The following MARCHF8 variants were observed in gnomAD, a reference collection of about 807,000 sequenced individuals.
The protein encoded by MARCHF8 is membrane associated ring-CH-type finger 8, also known as E3 ubiquitin-protein ligase MARCHF8.
A neutral mutation model predicts 51.6 loss-of-function variants in MARCHF8; 40 were observed. That is an observed-to-expected ratio of 0.77 (90% CI 0.60 to 1.01). The LOEUF is 1.01. Ranked by LOEUF, MARCHF8 falls within the 50% of genes least tolerant of loss-of-function variation. MARCHF8 has a pLI of 0.00. For missense variants in MARCHF8, 685 were observed against 708.6 expected (o/e 0.97, Z 0.38); for synonymous variants, 263 against 280.3 (o/e 0.94, Z 0.62).
chr10:45,465,772 T>C (rs907889832), intron 3 of MARCHF8, among the ~76,000 whole-genome samples: 13 of 152,240 alleles, frequency 8.5e-5, no homozygotes, highest in Non-Finnish European at 1.8e-4. Context: ...TGCCACTCCA[T>C]GAGCACATCT....
At chr10:45,502,924 T>C (rs533592294) in intron 2 of MARCHF8, among the ~76,000 whole-genome samples, 4 of 152,158 alleles carry the variant, frequency 2.6e-5, no homozygotes, top group Non-Finnish European at 5.9e-5. Context: ...ATTTGACGGC[T>C]GAAAGCAAAT....
intron 1 of MARCHF8, among the ~76,000 whole-genome samples, chr10:45,581,704 T>C (rs185274277): frequency 6.6e-5 from 10 of 152,274 alleles, no homozygotes; most frequent in Admixed American, 6.5e-4. Flanking sequence ...ACAAATTTAA[T>C]TTAGCTGTGT....
At chr10:45,473,692 G>A (rs180685839) in intron 3 of MARCHF8, among the ~76,000 whole-genome samples, 31 of 152,194 alleles carry the variant, frequency 2.0e-4, no homozygotes, top group African/African-American at 6.3e-4. Flanking sequence ...GAATAGAGTG[G>A]GTTTAAGCCT....
intron 2 of MARCHF8, among the ~76,000 whole-genome samples, chr10:45,530,990 T>C (rs1378644113): frequency 6.6e-6 from 1 of 151,770 alleles, no homozygotes; most frequent in Admixed American, 6.6e-5. Context: ...ATGTCTGAGA[T>C]GAAAAACACA....
At chr10:45,480,014 T>A (rs1294782721) in intron 3 of MARCHF8, among the ~76,000 whole-genome samples, 1 of 152,164 alleles carries the variant, frequency 6.6e-6, no homozygotes. Flanking sequence ...ATATGGACAA[T>A]GAAATCCAGG....
At chr10:45,547,786 TTTG>T (rs1408787639) in intron 1 of MARCHF8, among the ~76,000 whole-genome samples, 4 of 152,202 alleles carry the variant, frequency 2.6e-5, no homozygotes, top group Non-Finnish European at 5.9e-5. Flanking sequence ...TGACAGGCCT[TTTG>T]TTGTCTTTTT....
chr10:45,588,160 A>G (rs1212022628), intron 1 of MARCHF8, among the ~76,000 whole-genome samples: 11 of 151,478 alleles, frequency 7.3e-5, no homozygotes, highest in Admixed American at 5.3e-4. Flanking sequence ...CATTTTGTCA[A>G]AAGTAAAAAA....
chr10:45,588,528 C>T (rs2044642779), intron 1 of MARCHF8, among the ~76,000 whole-genome samples: 2 of 152,170 alleles, frequency 1.3e-5, no homozygotes, highest in African/African-American at 2.4e-5. Context: ...CTTAAAATTG[C>T]CTGTTTTGGT....
chr10:45,490,017 A>T lies in MARCHF8; in HGVS notation c.103-600T>A, dbSNP rs143872658. ...CTCTCATGCCCCTCCACATTCAGTC[A>T]CATAGTCTTGTATCAAATTCTTCCT... On this transcript the variant is annotated intron_variant, in intron 2 of 7. Coordinates refer to ENST00000453424, the MANE Select transcript of MARCHF8 (RefSeq NM_001282866.2). Among the ~76,000 whole-genome samples the T allele has an allele frequency of 6.6e-3, 1,011 of 152,292 alleles. 11 individuals carry two copies. The highest frequency in any genetic ancestry group is 0.024 in the African/African-American group (981 of 41,540).
intron 3 of MARCHF8, among the ~76,000 whole-genome samples, chr10:45,469,493 T>C (rs1843086244): frequency 1.3e-5 from 2 of 152,218 alleles, no homozygotes; most frequent in South Asian, 4.1e-4. Context: ...AGAATGTATC[T>C]GACATAAAAA....
intron 1 of MARCHF8, among the ~76,000 whole-genome samples, chr10:45,573,209 T>C (rs896650476): frequency 2.0e-5 from 3 of 152,138 alleles, no homozygotes; most frequent in Non-Finnish European, 4.4e-5. Flanking sequence ...TCATTCTAAT[T>C]ATGCATTTTA....
intron 3 of MARCHF8, among the ~76,000 whole-genome samples, chr10:45,466,925 C>T (rs1458621036): frequency 1.3e-5 from 2 of 152,172 alleles, no homozygotes; most frequent in African/African-American, 2.4e-5. Flanking sequence ...AAGCCTGGAT[C>T]AAGGAAGCAG....
chr10:45,461,918 A>G (rs911999771), intron 5 of MARCHF8: 1 of 152,294 alleles, frequency 6.6e-6, no homozygotes, highest in Non-Finnish European at 1.5e-5. Flanking sequence ...CAAAGATGAC[A>G]GTACCTCTCT....
rs1318481601 is a variant in MARCHF8, at chr10:45,463,586, A to C, written c.653T>G (p.Val218Gly). ...TGAGCGACCGGCAGAAAGGCATGAAACACAAGAATGTTTGGAATTGCCAAG... is the reference window on the plus strand; with the variant it reads ...TGAGCGACCGGCAGAAAGGCATGAACCACAAGAATGTTTGGAATTGCCAAG... ...KPLGNSKHSC[V>G]SCLSAGRSTA... The change falls in exon 5 of 8, where the codon GTT becomes GGT. Residue 218 changes from valine to glycine, a missense_variant. Physicochemically the swap from Val to Gly is moderately radical, Grantham distance 109. Transcript: ENST00000453424. The C allele has an allele frequency of 8.4e-6, 13 of 1,550,544 alleles. No individual in the cohort carries two copies. Among genetic ancestry groups the C allele is most frequent in the Non-Finnish European group, 1.1e-5 (13 of 1,147,022 alleles).
At chr10:45,546,510 G>A (rs1398741993) in intron 1 of MARCHF8, among the ~76,000 whole-genome samples, 1 of 152,014 alleles carries the variant, frequency 6.6e-6, no homozygotes, top group Non-Finnish European at 1.5e-5. Context: ...GGCCAGGAGT[G>A]GTGGCTCACA....
At chr10:45,459,086 C>G (rs996672036) in intron 7 of MARCHF8, 34 bp downstream of exon 7, 37 of 1,613,184 alleles carry the variant, frequency 2.3e-5, no homozygotes, top group Non-Finnish European at 3.1e-5. Context: ...TATCCCGGCC[C>G]CCATGCTGAG....
At chr10:45,569,952 A>G (rs1417970440) in intron 1 of MARCHF8, among the ~76,000 whole-genome samples, 2 of 152,224 alleles carry the variant, frequency 1.3e-5, no homozygotes, top group Non-Finnish European at 2.9e-5. Flanking sequence ...GATAAACCAC[A>G]CAGCACTAAT....
intron 1 of MARCHF8, among the ~76,000 whole-genome samples, chr10:45,544,811 A>G (rs2044099939): frequency 7.1e-6 from 1 of 140,928 alleles, no homozygotes; most frequent in Admixed American, 7.0e-5. Flanking sequence ...TGAATTGTAC[A>G]CTTATAATAG....
chr10:45,544,495 TA>T (rs1370341294), intron 1 of MARCHF8, among the ~76,000 whole-genome samples: 1 of 152,084 alleles, frequency 6.6e-6, no homozygotes, highest in Non-Finnish European at 1.5e-5. Flanking sequence ...AAAGAATAGA[TA>T]AAAATGTGGC....
Sources: gnomAD v4.1 joint callset for allele counts (sites outside exome capture counted in the v4.1 genomes callset) on GRCh38, gnomAD v4.1.1 for gene constraint, MANE v1.5 for transcripts, NCBI Gene and HGNC (gene_info 2026-07-23, HGNC 2026-07-21) for gene names.